The following ST6GALNAC1 variants were observed in gnomAD, a reference collection of about 807,000 sequenced individuals.
ST6GALNAC1 encodes the protein ST6 N-acetylgalactosaminide alpha-2,6-sialyltransferase 1.
ST6GALNAC1 carries 45 observed loss-of-function variants against 56.8 expected under a neutral mutation model. The observed-to-expected ratio is 0.79, with a 90% CI of 0.62 to 1.02. The LOEUF (loss-of-function observed/expected upper bound fraction) is 1.02. ST6GALNAC1 is among the 50% of genes least tolerant of loss of function. The pLI is 0.00. For synonymous variants in ST6GALNAC1, 295 were observed against 297.8 expected (o/e 0.99, Z 0.10); for missense variants, 743 against 754.8 (o/e 0.98, Z 0.18).
intron 5 of ST6GALNAC1, 65 bp from the exon 6 acceptor site, chr17:76,626,457 C>G: frequency 6.4e-7 from 1 of 1,556,036 alleles, no homozygotes; most frequent in South Asian, 1.1e-5. Flanking sequence ...GAGGGTGGCC[C>G]AGCTCTGACT....
intron 1 of ST6GALNAC1, among the ~76,000 whole-genome samples, chr17:76,636,749 C>A (rs1256687136): frequency 6.6e-6 from 1 of 152,102 alleles, no homozygotes; most frequent in South Asian, 2.1e-4. Context: ...TCTGCCCGGC[C>A]GCCACCCCAT....
At chr17:76,635,722 A>G (rs996674490) in intron 1 of ST6GALNAC1, among the ~76,000 whole-genome samples, 1 of 152,216 alleles carries the variant, frequency 6.6e-6, no homozygotes, top group Non-Finnish European at 1.5e-5. Context: ...ACACAATGCA[A>G]TGTTTATTCT....
chr17:76,642,700 G>A (rs898136878), intron 1 of ST6GALNAC1, among the ~76,000 whole-genome samples: 1 of 152,140 alleles, frequency 6.6e-6, no homozygotes, highest in Admixed American at 6.6e-5. Flanking sequence ...GGAGGCCGAG[G>A]TGGGTAGATC....
intron 1 of ST6GALNAC1, among the ~76,000 whole-genome samples, chr17:76,639,058 C>T (rs536311854): frequency 1.3e-4 from 20 of 152,314 alleles, no homozygotes; most frequent in African/African-American, 3.4e-4. Flanking sequence ...TCTAAAACCA[C>T]GTTCCCCCGA....
At chr17:76,626,857 G>A in intron 4 of ST6GALNAC1, 68 bp from the exon 5 acceptor site, 2 of 1,588,028 alleles carry the variant, frequency 1.3e-6, no homozygotes, top group Admixed American at 3.4e-5. Context: ...GGTGGATGGG[G>A]AAAGGAAGGA....
chr17:76,622,330 C>G (rs2075750016), downstream of ST6GALNAC1, among the ~76,000 whole-genome samples: 1 of 151,266 alleles, frequency 6.6e-6, no homozygotes. Flanking sequence ...TGTCTTTTGA[C>G]CTCCTGGTGA....
At chr17:76,626,617 C>G (rs530146846) in intron 5 of ST6GALNAC1, 34 bp downstream of exon 5, 1 of 1,613,596 alleles carries the variant, frequency 6.2e-7, no homozygotes, top group South Asian at 1.1e-5. Context: ...CATCCAGAGT[C>G]TGGGTGTGGC....
chr17:76,630,158 C>T (rs1038796253), intron 1 of ST6GALNAC1, among the ~76,000 whole-genome samples: 2 of 152,160 alleles, frequency 1.3e-5, no homozygotes, highest in Non-Finnish European at 2.9e-5. Flanking sequence ...AGCATCTCAT[C>T]CGACAAACGT....
chr17:76,643,747 G>T lies in ST6GALNAC1; in HGVS notation c.-109C>A. 8.7e-7 allele frequency: 1 copy of T among 1,143,634 alleles called. No individual in the cohort carries two copies. Among genetic ancestry groups the T allele is most frequent in the East Asian group, 2.5e-5 (1 of 40,036 alleles). The allele number at this position is 1,143,634 out of a possible 1,614,324, so 70.8% of individuals were successfully genotyped here. A position where few individuals can be genotyped will look rare whatever the true frequency, so the allele number is the denominator to read the frequency against. On this transcript the variant is annotated 5_prime_UTR_variant, in exon 1 of 9. Transcript: ENST00000156626. ...CCTGGCCAGGAAGTGCACACCCTTT[G>T]TCTTAACAATGAGCCACTCCGGCAA... is the stretch of plus-strand genomic sequence containing the variant.
rs1396041458 is a variant in ST6GALNAC1 at position 76,630,015 on chromosome 17, C to T, written c.132-304G>A. On this transcript the variant is annotated intron_variant, in intron 1 of 8. Coordinates refer to ENST00000156626, the MANE Select transcript of ST6GALNAC1 (RefSeq NM_018414.5). ...GCCAGGCTGGTCTTGAACTCCTGACCTGCCCAGTGATCCACCTGCCTCGGC... is the reference window on the plus strand; with the variant it reads ...GCCAGGCTGGTCTTGAACTCCTGACTTGCCCAGTGATCCACCTGCCTCGGC... Among the ~76,000 whole-genome samples the T allele has an allele frequency of 2.0e-5, 3 of 151,988 alleles. No individual in the cohort carries two copies. In the East Asian group the frequency reaches 5.8e-4, roughly 29 times the overall value.
chr17:76,636,484 G>GA (rs955543630), intron 1 of ST6GALNAC1, among the ~76,000 whole-genome samples: 14 of 150,440 alleles, frequency 9.3e-5, no homozygotes, highest in South Asian at 2.1e-4. Flanking sequence ...AAGACCCCTG[G>GA]AAAAAAAAAG....
chr17:76,635,223 C>G (rs1281838158), intron 1 of ST6GALNAC1, among the ~76,000 whole-genome samples: 1 of 152,126 alleles, frequency 6.6e-6, no homozygotes, highest in Non-Finnish European at 1.5e-5. Flanking sequence ...GAAAATGAGT[C>G]AGTTGCTGCT....
chr17:76,617,479 G>A, the ST6GALNAC1 span, among the ~76,000 whole-genome samples: 1 of 152,162 alleles, frequency 6.6e-6, no homozygotes, highest in African/African-American at 2.4e-5. Flanking sequence ...GGCACTGTGG[G>A]CCACCTCCCC....
chr17:76,621,293 C>T (rs975159628), downstream of ST6GALNAC1, among the ~76,000 whole-genome samples: 1 of 149,812 alleles, frequency 6.7e-6, no homozygotes, highest in African/African-American at 2.5e-5. Context: ...AGCAATTCTC[C>T]TGCCTCAGCC....
At position 76,625,357 on chromosome 17, in the gene ST6GALNAC1, A is replaced by T. The variant is rs1442079152; in HGVS notation, c.1776T>A (p.Gly592=). The T allele has an allele frequency of 1.9e-6, 3 of 1,613,582 alleles. No individual in the cohort carries two copies. Among genetic ancestry groups the T allele is most frequent in the South Asian group, 1.1e-5 (1 of 91,062 alleles). ...EGIIRLYQRP[G]PGTAKAKN ...AGTTCTTGGCTTTGGCAGTTCCGGG[A>T]CCAGGACGCTGGTACAGCCGGATTA... Residue 592 remains glycine, a synonymous_variant, in exon 9 of 9, where the codon GGT becomes GGA. Coordinates refer to ENST00000156626, the MANE Select transcript of ST6GALNAC1 (RefSeq NM_018414.5).
intron 1 of ST6GALNAC1, among the ~76,000 whole-genome samples, chr17:76,641,034 T>C (rs1456985243): frequency 6.6e-6 from 1 of 152,224 alleles, no homozygotes; most frequent in Non-Finnish European, 1.5e-5. Flanking sequence ...TCCCAGGCAT[T>C]GTGAAGACCT....
chr17:76,640,835 C>A (rs970603669), intron 1 of ST6GALNAC1, among the ~76,000 whole-genome samples: 3 of 151,982 alleles, frequency 2.0e-5, no homozygotes, highest in Non-Finnish European at 4.4e-5. Context: ...TGAAATAAAA[C>A]CAAACAAATA....
At chr17:76,631,234 G>A (rs2075894603) in intron 1 of ST6GALNAC1, among the ~76,000 whole-genome samples, 1 of 152,140 alleles carries the variant, frequency 6.6e-6, no homozygotes, top group South Asian at 2.1e-4. Context: ...GTGAGCCACC[G>A]CGTCTGGCCT....
intron 1 of ST6GALNAC1, among the ~76,000 whole-genome samples, chr17:76,634,838 C>G (rs564350935): frequency 1.3e-5 from 2 of 151,982 alleles, no homozygotes; most frequent in Non-Finnish European, 2.9e-5. Flanking sequence ...GAGCTGAGAT[C>G]GTACCACTGC....
Sources: gnomAD v4.1 joint callset for allele counts (sites outside exome capture counted in the v4.1 genomes callset) on GRCh38, gnomAD v4.1.1 for gene constraint, MANE v1.5 for transcripts, NCBI Gene and HGNC (gene_info 2026-07-23, HGNC 2026-07-21) for gene names.